The following CTNND2 variants were observed in gnomAD, a reference collection of about 807,000 sequenced individuals.
CTNND2 encodes catenin delta 2.
CTNND2 carries 22 observed loss-of-function variants against 144.4 expected under a neutral mutation model. The ratio of observed to expected loss-of-function variants is 0.15; its 90% CI spans 0.11 to 0.22. CTNND2 has a LOEUF of 0.22. Ranked by LOEUF, CTNND2 falls within the 10% of genes least tolerant of loss-of-function variation. The probability of loss-of-function intolerance (pLI) is 1.00; values close to 1 mark genes in which losing one functional copy is unlikely to be tolerated. For synonymous variants in CTNND2, 751 were observed against 695.6 expected, an observed-to-expected ratio of 1.08 and a Z score of -1.25; for missense variants, 1,353 against 1,618.8, an observed-to-expected ratio of 0.84 and a Z score of 2.82.
rs1038815782 is a variant in CTNND2, at chr5:11,441,407, C to T, written c.288-29338G>A. On this transcript the variant is annotated intron_variant, in intron 3 of 21. Transcript: ENST00000304623. The stretch of plus-strand genomic sequence containing the variant: ...TTTTTTTTTTTTTTAAAGACAGATT[C>T]TCACTTTGTTGCCCAGGCTGGAGTG... 1.5e-4 allele frequency among the ~76,000 whole-genome samples: 17 copies of T among 112,240 alleles called. No homozygotes were observed. In the South Asian group the frequency reaches 4.6e-3, roughly 30 times the overall value. 73.6% of individuals were successfully genotyped at this position (112,240 alleles called of 152,430 possible). A position where few individuals can be genotyped will look rare whatever the true frequency, so the allele number is the denominator to read the frequency against.
intron 5 of CTNND2, among the ~76,000 whole-genome samples, chr5:11,406,195 T>A (rs1761093193): frequency 6.6e-6 from 1 of 152,046 alleles, no homozygotes; most frequent in Admixed American, 6.6e-5. Context: ...TATGATAAAG[T>A]GATTTCACAG....
At chr5:11,622,040 A>G (rs1040471383) in intron 2 of CTNND2, among the ~76,000 whole-genome samples, 12 of 152,224 alleles carry the variant, frequency 7.9e-5, no homozygotes, top group African/African-American at 2.9e-4. Flanking sequence ...TAAAAATCCA[A>G]AAAGATCTAA....
chr5:11,275,625 A>C (rs995132720), intron 9 of CTNND2, among the ~76,000 whole-genome samples: 2 of 152,190 alleles, frequency 1.3e-5, no homozygotes, highest in Non-Finnish European at 2.9e-5. Flanking sequence ...ATGCTTAGTA[A>C]ACATCACTTC....
intron 12 of CTNND2, among the ~76,000 whole-genome samples, chr5:11,141,050 G>A (rs1756675656): frequency 6.6e-6 from 1 of 152,070 alleles, no homozygotes; most frequent in African/African-American, 2.4e-5. Context: ...TACCTCCCAG[G>A]CTCAAGCGAT....
chr5:11,171,046 T>C (rs1000951493), intron 11 of CTNND2, among the ~76,000 whole-genome samples: 10 of 152,102 alleles, frequency 6.6e-5, no homozygotes, highest in Non-Finnish European at 1.0e-4. Flanking sequence ...CCATGACATG[T>C]GGGGATTCTG....
chr5:11,127,245 T>G (rs1052120580), intron 12 of CTNND2, among the ~76,000 whole-genome samples: 1 of 152,216 alleles, frequency 6.6e-6, no homozygotes, highest in Admixed American at 6.5e-5. Flanking sequence ...TCAACCACAT[T>G]CTCTGTGCTA....
At chr5:11,132,417 G>C (rs1015039593) in intron 12 of CTNND2, among the ~76,000 whole-genome samples, 1 of 152,130 alleles carries the variant, frequency 6.6e-6, no homozygotes, top group Non-Finnish European at 1.5e-5. Context: ...AGATGATTAG[G>C]TCATAAGGAT....
intron 12 of CTNND2, among the ~76,000 whole-genome samples, chr5:11,145,048 G>A (rs1291112457): frequency 6.6e-6 from 1 of 152,066 alleles, no homozygotes; most frequent in Non-Finnish European, 1.5e-5. Context: ...GAATGGGTGA[G>A]GGATGTGAGG....
intron 3 of CTNND2, among the ~76,000 whole-genome samples, chr5:11,417,200 G>A (rs796746265): frequency 6.6e-5 from 10 of 152,234 alleles, no homozygotes; most frequent in African/African-American, 1.9e-4. Flanking sequence ...AAGATGCCAC[G>A]GAAGTTGCTA....
chr5:11,890,791 C>G lies in CTNND2; in HGVS notation c.37+13026G>C, dbSNP rs73052553. Among the ~76,000 whole-genome samples the G allele has an allele frequency of 7.6e-3, 1,151 of 152,328 alleles. 13 individuals carry two copies. Among genetic ancestry groups the G allele is most frequent in the African/African-American group, 0.027 (1,102 of 41,564 alleles). ...AGATAAAACAGGGTAACTGTTAGGACAGAAACACTTGCTTTCGCAGGATGA... is the reference window on the plus strand; with the variant it reads ...AGATAAAACAGGGTAACTGTTAGGAGAGAAACACTTGCTTTCGCAGGATGA... On this transcript the variant is annotated intron_variant, in intron 1 of 21. Transcript: ENST00000304623.
At chr5:11,341,298 A>G (rs1305571095) in intron 9 of CTNND2, among the ~76,000 whole-genome samples, 1 of 152,210 alleles carries the variant, frequency 6.6e-6, no homozygotes, top group African/African-American at 2.4e-5. Context: ...TATCAATATA[A>G]ACTAGTGCAT....
At chr5:11,623,792 ATATATATGTGTGTATG>A (rs1240284543) in intron 2 of CTNND2, among the ~76,000 whole-genome samples, 20 of 73,098 alleles carry the variant, frequency 2.7e-4, no homozygotes, top group African/African-American at 1.1e-3. Flanking sequence ...TATCGTAAAT[ATATATATGTGTGTATG>A]TATATATATA....
chr5:11,778,669 TAG>T (rs1397531540), intron 1 of CTNND2, among the ~76,000 whole-genome samples: 1 of 152,124 alleles, frequency 6.6e-6, no homozygotes, highest in Non-Finnish European at 1.5e-5. Context: ...CGAAGGATCC[TAG>T]AGAGACCTAA....
chr5:11,458,910 G>T (rs770943389), intron 3 of CTNND2, among the ~76,000 whole-genome samples: 17 of 151,452 alleles, frequency 1.1e-4, no homozygotes, highest in Non-Finnish European at 2.1e-4. Flanking sequence ...CTGTAGGCAC[G>T]CACCACCACC....
At chr5:11,120,076 T>C (rs1753934241) in intron 12 of CTNND2, among the ~76,000 whole-genome samples, 1 of 152,252 alleles carries the variant, frequency 6.6e-6, no homozygotes, top group Non-Finnish European at 1.5e-5. Context: ...TATTCCATTC[T>C]AGTCCAGTCT....
At chr5:11,154,821 T>C (rs996591303) in intron 12 of CTNND2, among the ~76,000 whole-genome samples, 1 of 152,220 alleles carries the variant, frequency 6.6e-6, no homozygotes, top group African/African-American at 2.4e-5. Context: ...TAGCTGCTGG[T>C]GTTGCAGCAA....
intron 20 of CTNND2, among the ~76,000 whole-genome samples, chr5:10,983,561 T>G (rs1561119502): frequency 6.6e-6 from 1 of 152,104 alleles, no homozygotes; most frequent in Non-Finnish European, 1.5e-5. Context: ...GAGCCGAAAG[T>G]CCATTTTTCC....
chr5:11,503,232 C>T (rs1278260470), intron 3 of CTNND2, among the ~76,000 whole-genome samples: 3 of 152,190 alleles, frequency 2.0e-5, no homozygotes, highest in African/African-American at 7.2e-5. Context: ...CTTATTAAAG[C>T]TCCTTCACTA....
At chr5:11,789,286 T>G (rs1029735416) in intron 1 of CTNND2, among the ~76,000 whole-genome samples, 1 of 152,180 alleles carries the variant, frequency 6.6e-6, no homozygotes, top group African/African-American at 2.4e-5. Context: ...TTTTTGCCAC[T>G]CCTGAAAAAT....
Sources: allele counts gnomAD v4.1 joint callset (sites outside exome capture counted in the v4.1 genomes callset), GRCh38; gene constraint gnomAD v4.1.1; transcripts MANE v1.5; gene names NCBI Gene and HGNC (gene_info 2026-07-23, HGNC 2026-07-21).